Variants in RCAN2 observed in about 807,000 individuals in gnomAD.
RCAN2 encodes calcipressin-2.
In RCAN2, 9 loss-of-function variants were observed where a neutral mutation model predicts 23.6. That is an observed-to-expected ratio of 0.38 (90% CI 0.23 to 0.67). The LOEUF (loss-of-function observed/expected upper bound fraction) is 0.67, where lower values mean the gene tolerates loss of function less well. Ranked by LOEUF, RCAN2 falls within the 30% of genes least tolerant of loss-of-function variation. The probability of loss-of-function intolerance (pLI) is 0.51; values close to 1 mark genes in which losing one functional copy is unlikely to be tolerated. For synonymous variants in RCAN2, 109 were observed against 115.7 expected (o/e 0.94, Z 0.37); for missense variants, 273 against 302.3 (o/e 0.90, Z 0.72).
At chr6:46,264,126 T>C (rs1352088809) in intron 2 of RCAN2, among the ~76,000 whole-genome samples, 1 of 152,234 alleles carries the variant, frequency 6.6e-6, no homozygotes, top group African/African-American at 2.4e-5. Context: ...AGCAGTGTTC[T>C]ACCTTCTCAA....
chr6:46,236,881 C>T (rs1034299437), intron 4 of RCAN2, among the ~76,000 whole-genome samples: 1 of 152,196 alleles, frequency 6.6e-6, no homozygotes, highest in Non-Finnish European at 1.5e-5. Flanking sequence ...ATGCCAGGCA[C>T]AGGAAAGTCT....
intron 2 of RCAN2, among the ~76,000 whole-genome samples, chr6:46,406,722 G>A (rs1766415969): frequency 6.6e-6 from 1 of 152,216 alleles, no homozygotes; most frequent in South Asian, 2.1e-4. Flanking sequence ...GACCCATTAT[G>A]TACTTATAGA....
intron 2 of RCAN2, among the ~76,000 whole-genome samples, chr6:46,387,937 G>T (rs1765804403): frequency 6.6e-6 from 1 of 152,154 alleles, no homozygotes; most frequent in Admixed American, 6.5e-5. Flanking sequence ...AAAAGGATGA[G>T]TTCATGTCCT....
chr6:46,376,478 G>A (rs1765463224), intron 2 of RCAN2, among the ~76,000 whole-genome samples: 1 of 152,112 alleles, frequency 6.6e-6, no homozygotes, highest in Non-Finnish European at 1.5e-5. Flanking sequence ...CCAGGAGTTC[G>A]AGACCAGCCT....
In RCAN2 at chr6:46,240,396, T is replaced by C. The variant is rs905002867; in HGVS notation, c.571+6352A>G. ...GAAGTATTTTAATATTGCTACTCCATAGTGATGGAAGATAGATTAATGGAA... is the reference window on the plus strand; with the variant it reads ...GAAGTATTTTAATATTGCTACTCCACAGTGATGGAAGATAGATTAATGGAA... On this transcript the variant is annotated intron_variant, in intron 4 of 4. Transcript: ENST00000371374. Among the ~76,000 whole-genome samples, 7 of 152,300 alleles carry C rather than the reference T, an allele frequency of 4.6e-5. No individual in the cohort carries two copies. The East Asian group carries it at 1.2e-3, about 25-fold the overall frequency.
intron 2 of RCAN2, among the ~76,000 whole-genome samples, chr6:46,449,308 A>G (rs1391804587): frequency 6.6e-6 from 1 of 151,562 alleles, no homozygotes; most frequent in Non-Finnish European, 1.5e-5. Flanking sequence ...TATGAAACAT[A>G]ATGAAGGAAT....
chr6:46,404,630 T>C (rs1422569726), intron 2 of RCAN2, among the ~76,000 whole-genome samples: 1 of 152,224 alleles, frequency 6.6e-6, no homozygotes, highest in Non-Finnish European at 1.5e-5. Context: ...AAGCTAAATA[T>C]ATTGATCTTG....
At chr6:46,351,888 A>C (rs565047888) in intron 2 of RCAN2, among the ~76,000 whole-genome samples, 1 of 152,298 alleles carries the variant, frequency 6.6e-6, no homozygotes, top group Non-Finnish European at 1.5e-5. Flanking sequence ...CCAGGAACTC[A>C]GTGTAGTTTA....
chr6:46,344,512 T>G (rs1295618108), intron 2 of RCAN2, among the ~76,000 whole-genome samples: 2 of 152,072 alleles, frequency 1.3e-5, no homozygotes, highest in African/African-American at 4.8e-5. Flanking sequence ...AAATGAATTA[T>G]GAAGTTTACA....
chr6:46,289,352 T>C (rs550760637), intron 2 of RCAN2, among the ~76,000 whole-genome samples: 30 of 152,328 alleles, frequency 2.0e-4, no homozygotes, highest in African/African-American at 7.2e-4. Flanking sequence ...GAATCTTAAG[T>C]TGTTAAGCCT....
chr6:46,271,230 G>T (rs1767514657), intron 2 of RCAN2, among the ~76,000 whole-genome samples: 1 of 152,146 alleles, frequency 6.6e-6, no homozygotes, highest in Admixed American at 6.5e-5. Flanking sequence ...GTTTATGGAG[G>T]CTTGACAGGG....
At chr6:46,376,685 C>T (rs887744028) in intron 2 of RCAN2, among the ~76,000 whole-genome samples, 6 of 147,370 alleles carry the variant, frequency 4.1e-5, no homozygotes, top group Non-Finnish European at 7.4e-5. Context: ...CAGAGTGAGA[C>T]TCCACCTCAA....
intron 4 of RCAN2, among the ~76,000 whole-genome samples, chr6:46,230,898 T>C (rs188202764): frequency 2.6e-5 from 4 of 152,262 alleles, no homozygotes; most frequent in Admixed American, 6.5e-5. Flanking sequence ...GGAACCTCTC[T>C]CCAAGGTACA....
chr6:46,416,113 G>A (rs982800345), intron 2 of RCAN2, among the ~76,000 whole-genome samples: 1 of 151,976 alleles, frequency 6.6e-6, no homozygotes, highest in Non-Finnish European at 1.5e-5. Flanking sequence ...TCAATCTATG[G>A]ATTCAGAACC....
chr6:46,482,447 T>C (rs1768888447), intron 1 of RCAN2, among the ~76,000 whole-genome samples: 2 of 152,058 alleles, frequency 1.3e-5, no homozygotes, highest in Non-Finnish European at 2.9e-5. Flanking sequence ...TGATCTGGGA[T>C]TGTGTTTTTG....
intron 2 of RCAN2, among the ~76,000 whole-genome samples, chr6:46,324,921 C>T (rs1210755648): frequency 6.6e-6 from 1 of 152,214 alleles, no homozygotes; most frequent in Non-Finnish European, 1.5e-5. Context: ...ATCTGTAGAA[C>T]AGCTATTGTT....
At chr6:46,368,861 C>T (rs1765250086) in intron 2 of RCAN2, among the ~76,000 whole-genome samples, 1 of 152,090 alleles carries the variant, frequency 6.6e-6, no homozygotes. Flanking sequence ...ATGTAGGCTA[C>T]ACTAAATGTA....
In RCAN2 at chr6:46,459,665, T is replaced by C. The variant is rs139558721; in HGVS notation, c.-2-2687A>G. Among the ~76,000 whole-genome samples, 30 of 152,274 alleles carry C rather than the reference T, an allele frequency of 2.0e-4. No individual in the cohort carries two copies. The East Asian group carries it at 5.4e-3, about 27-fold the overall frequency. On this transcript the variant is annotated intron_variant, in intron 1 of 4. Transcript: ENST00000371374. ...CTAGTTTCATTACTAACTCACCCCA[T>C]AATTTGGAGAAGCCAAGTGATCATT...
At chr6:46,395,787 A>G (rs142406153) in intron 2 of RCAN2, among the ~76,000 whole-genome samples, 296 of 152,272 alleles carry the variant, frequency 1.9e-3, no homozygotes, top group African/African-American at 6.9e-3. Flanking sequence ...CCACATTACA[A>G]TATACTTATT....
Sources: allele counts gnomAD v4.1 joint callset (sites outside exome capture counted in the v4.1 genomes callset), GRCh38; gene constraint gnomAD v4.1.1; transcripts MANE v1.5; gene names NCBI Gene and HGNC (gene_info 2026-07-23, HGNC 2026-07-21).